The following ACACB variants were observed in gnomAD, a reference collection of about 807,000 sequenced individuals.
ACACB encodes the protein acetyl-CoA carboxylase beta, also known as acetyl-CoA carboxylase 2.
In ACACB, 209 loss-of-function variants were observed where a neutral mutation model predicts 278.8. The observed-to-expected ratio is 0.75, with a 90% CI of 0.67 to 0.84. ACACB has a LOEUF of 0.84. Ranked by LOEUF, ACACB falls within the 40% of genes least tolerant of loss-of-function variation. The probability of loss-of-function intolerance (pLI) is 0.00; values close to 1 mark genes in which losing one functional copy is unlikely to be tolerated. For missense variants in ACACB, 2,850 were observed against 3,269.0 expected, an observed-to-expected ratio of 0.87 and a Z score of 3.13; for synonymous variants, 1,174 against 1,285.6, an observed-to-expected ratio of 0.91 and a Z score of 1.86.
At chr12:109,153,642 T>G (rs936691127) in intron 2 of ACACB, among the ~76,000 whole-genome samples, 2 of 152,176 alleles carry the variant, frequency 1.3e-5, no homozygotes, top group African/African-American at 4.8e-5. Flanking sequence ...TTTATTACAT[T>G]ACTTGAAGAA....
intron 30 of ACACB, 34 bp from the exon 31 acceptor site, chr12:109,233,904 C>T (rs759893522): frequency 1.2e-6 from 2 of 1,613,138 alleles, no homozygotes; most frequent in South Asian, 1.1e-5. Context: ...GGCCCCCAGG[C>T]TTTCCAGCCC....
chr12:109,159,819 G>T (rs748895948), intron 2 of ACACB, among the ~76,000 whole-genome samples: 1 of 152,048 alleles, frequency 6.6e-6, no homozygotes, highest in South Asian at 2.1e-4. Flanking sequence ...GCTGGGCGCG[G>T]TGGCTCACCC....
chr12:109,123,040 G>A (rs540593838), intron 1 of ACACB, among the ~76,000 whole-genome samples: 1 of 152,102 alleles, frequency 6.6e-6, no homozygotes, highest in East Asian at 1.9e-4. Context: ...AATTAGCCGG[G>A]CGTGGTGGCA....
At chr12:109,256,614 G>A (rs1159072676) in intron 45 of ACACB, among the ~76,000 whole-genome samples, 1 of 152,214 alleles carries the variant, frequency 6.6e-6, no homozygotes, top group African/African-American at 2.4e-5. Flanking sequence ...AGGCTGCAAT[G>A]CTTGCATGCT....
At chr12:109,231,954 C>T (rs2136596535) in intron 28 of ACACB, among the ~76,000 whole-genome samples, 1 of 152,322 alleles carries the variant, frequency 6.6e-6, no homozygotes, top group South Asian at 2.1e-4. Flanking sequence ...CAGTGAGCCC[C>T]CCTTGTCACC....
chr12:109,182,909 C>T (rs1157943843), intron 11 of ACACB, among the ~76,000 whole-genome samples: 1 of 152,118 alleles, frequency 6.6e-6, no homozygotes, highest in Non-Finnish European at 1.5e-5. Flanking sequence ...CCAATGTTTT[C>T]TTCTAGTAGT....
intron 24 of ACACB, among the ~76,000 whole-genome samples, chr12:109,217,907 G>A (rs988615795): frequency 3.9e-5 from 6 of 152,228 alleles, no homozygotes; most frequent in African/African-American, 1.4e-4. Context: ...GTTTGTGCCA[G>A]GTACTCCTGA....
chr12:109,258,703 T>C (rs1174313460), intron 46 of ACACB, among the ~76,000 whole-genome samples: 1 of 152,152 alleles, frequency 6.6e-6, no homozygotes, highest in Non-Finnish European at 1.5e-5. Context: ...CAGGGCCGGC[T>C]TTACCCCAAC....
At position 109,194,511 on chromosome 12, in the gene ACACB, C is replaced by CGTGTGTGTGTGTGT. The variant is rs529461816; in HGVS notation, c.2481+782_2481+783insGTGTGTGTGTGTGT. 2.9e-4 allele frequency among the ~76,000 whole-genome samples: 16 copies of CGTGTGTGTGTGTGT among 54,280 alleles called. 1 individual carries two copies. The highest frequency in any genetic ancestry group is 2.2e-3 in the South Asian group (5 of 2,290). The allele number at this position is 54,280 out of a possible 152,430, so 35.6% of individuals were successfully genotyped here. A position where few individuals can be genotyped will look rare whatever the true frequency, so the allele number is the denominator to read the frequency against. Reference sequence around the variant, plus strand: ...CCCCCAACCTCTGCCTCTGTGTGTGCATGTGTGTGTGTGTGTGTGTGTGTG... The same window carrying CGTGTGTGTGTGTGT: ...CCCCCAACCTCTGCCTCTGTGTGTGCGTGTGTGTGTGTGTATGTGTGTGTGTGTGTGTGTGTGTG... On this transcript the variant is annotated intron_variant, in intron 16 of 52. Transcript: ENST00000338432.
chr12:109,235,397 C>G, intron 32 of ACACB, 28 bp downstream of exon 32: 1 of 1,600,904 alleles, frequency 6.2e-7, no homozygotes, highest in Non-Finnish European at 8.6e-7. Flanking sequence ...CTCTATGAGT[C>G]TTTCCCATTC....
intron 28 of ACACB, among the ~76,000 whole-genome samples, chr12:109,232,248 TGGAG>T (rs1273036492): frequency 6.6e-6 from 1 of 152,174 alleles, no homozygotes; most frequent in Non-Finnish European, 1.5e-5. Context: ...GCAAGTTTGA[TGGAG>T]GGATTACAGG....
intron 37 of ACACB, 66 bp downstream of exon 37, chr12:109,242,658 C>T: frequency 1.9e-6 from 3 of 1,558,658 alleles, no homozygotes; most frequent in Admixed American, 1.8e-5. Context: ...AGAACCAAAG[C>T]CCATCCTTAA....
intron 1 of ACACB, among the ~76,000 whole-genome samples, chr12:109,127,123 TCCAATAGG>T (rs2042699728): frequency 1.3e-5 from 2 of 152,112 alleles, no homozygotes; most frequent in Non-Finnish European, 2.9e-5. Flanking sequence ...ATTCCACCAA[TCCAATAGG>T]GTAGCCCATT....
chr12:109,218,828 G>A (rs59530453), intron 24 of ACACB, among the ~76,000 whole-genome samples: 1 of 151,300 alleles, frequency 6.6e-6, no homozygotes, highest in Non-Finnish European at 1.5e-5. Context: ...GAGTGCAGTG[G>A]CACGATCTCT....
At chr12:109,152,055 C>T (rs1225841685) in intron 2 of ACACB, among the ~76,000 whole-genome samples, 1 of 152,112 alleles carries the variant, frequency 6.6e-6, no homozygotes, top group African/African-American at 2.4e-5. Context: ...AATGAAATCC[C>T]TTATTTGAGA....
intron 2 of ACACB, among the ~76,000 whole-genome samples, chr12:109,161,617 C>T (rs2043723767): frequency 6.6e-6 from 1 of 151,980 alleles, no homozygotes; most frequent in Non-Finnish European, 1.5e-5. Context: ...TATCACAGCA[C>T]TATTCACAGT....
chr12:109,171,144 G>A (rs1318191133), intron 4 of ACACB, among the ~76,000 whole-genome samples: 10 of 145,460 alleles, frequency 6.9e-5, no homozygotes, highest in Admixed American at 5.6e-4. Flanking sequence ...GTGCACCACC[G>A]TGCCCAGCCC....
At chr12:109,197,702 A>G (rs986613401) in intron 17 of ACACB, among the ~76,000 whole-genome samples, 1 of 152,088 alleles carries the variant, frequency 6.6e-6, no homozygotes, top group Non-Finnish European at 1.5e-5. Context: ...ATAGTGAGAT[A>G]GGCCCCAAAG....
At chr12:109,242,778 A>G (rs2046836988) in intron 37 of ACACB, 186 bp downstream of exon 37, 12 of 634,008 alleles carry the variant, frequency 1.9e-5, no homozygotes, top group African/African-American at 5.5e-5. Flanking sequence ...GCTTGAGCCC[A>G]GGAGTTGAAG....
Sources: allele counts gnomAD v4.1 joint callset (sites outside exome capture counted in the v4.1 genomes callset), GRCh38; gene constraint gnomAD v4.1.1; transcripts MANE v1.5; gene names NCBI Gene and HGNC (gene_info 2026-07-23, HGNC 2026-07-21).